Variants in ELAVL2 observed in about 807,000 individuals in gnomAD.
The protein encoded by ELAVL2 is ELAV-like protein 2.
In ELAVL2, 4 loss-of-function variants were observed where a neutral mutation model predicts 34.6. The observed-to-expected ratio is 0.12, with a 90% CI of 0.06 to 0.26. ELAVL2 has a LOEUF of 0.26. ELAVL2 is among the 10% of genes least tolerant of loss of function. The pLI is 1.00. For synonymous variants in ELAVL2, 193 were observed against 154.8 expected, an observed-to-expected ratio of 1.25 and a Z score of -1.83; for missense variants, 432 against 442.8, an observed-to-expected ratio of 0.98 and a Z score of 0.22.
intron 3 of ELAVL2, among the ~76,000 whole-genome samples, chr9:23,724,843 T>G (rs1246556984): frequency 6.6e-6 from 1 of 152,140 alleles, no homozygotes; most frequent in Non-Finnish European, 1.5e-5. Context: ...ACGTTTCAAT[T>G]TTTACCCCAC....
intron 2 of ELAVL2, among the ~76,000 whole-genome samples, chr9:23,749,204 C>T (rs972989007): frequency 6.6e-6 from 1 of 151,950 alleles, no homozygotes; most frequent in African/African-American, 2.4e-5. Flanking sequence ...GACACGTGTG[C>T]ACCAGCCATT....
At chr9:23,706,748 C>A (rs2039455175) in intron 3 of ELAVL2, among the ~76,000 whole-genome samples, 1 of 152,164 alleles carries the variant, frequency 6.6e-6, no homozygotes, top group East Asian at 1.9e-4. Context: ...AACAAACTTT[C>A]CCAATTTACA....
intron 2 of ELAVL2, among the ~76,000 whole-genome samples, chr9:23,758,330 T>G (rs990658791): frequency 1.8e-4 from 27 of 152,192 alleles, no homozygotes; most frequent in African/African-American, 6.5e-4. Context: ...GAACCCAGAT[T>G]TAGATACTAC....
rs755034184 is a variant in ELAVL2, at chr9:23,701,444, G to T, written c.648C>A (p.Ser216=). The T allele has an allele frequency of 3.1e-6, 5 of 1,614,000 alleles. No individual in the cohort carries two copies. Among genetic ancestry groups the T allele is most frequent in the Admixed American group, 3.3e-5 (2 of 60,004 alleles). The change falls in exon 5 of 7, where the codon TCC becomes TCA. Residue 216 remains serine (S), a synonymous_variant. Coordinates refer to ENST00000397312, the MANE Select transcript of ELAVL2 (RefSeq NM_004432.5). ...PSQKTNQAIL[S]QLYQSPNRRY... is the part of the protein sequence containing the mutation. ...TTCTGTTTGGAGACTGGTACAGCTG[G>T]GAAAGGATGGCCTGATTGGTTTTTT... is the stretch of plus-strand genomic sequence containing the variant.
rs189989668 is a variant in ELAVL2 at position 23,803,378 on chromosome 9, T to C, written c.-16+22428A>G. Reference sequence around the variant, plus strand: ...TACTTACACTGGTTTAGAAAAATGCTTGAGTATCTTATGAGTCTCTCCTAC... The same window carrying C: ...TACTTACACTGGTTTAGAAAAATGCCTGAGTATCTTATGAGTCTCTCCTAC... On this transcript the variant is annotated intron_variant, in intron 1 of 6. Transcript: ENST00000397312. Among the ~76,000 whole-genome samples the C allele has an allele frequency of 1.1e-3, 175 of 152,316 alleles. 1 individual carries two copies. The highest frequency in any genetic ancestry group is 0.01 in the Middle Eastern group (3 of 294).
At chr9:23,756,234 T>C (rs886646979) in intron 2 of ELAVL2, among the ~76,000 whole-genome samples, 1 of 152,188 alleles carries the variant, frequency 6.6e-6, no homozygotes, top group African/African-American at 2.4e-5. Flanking sequence ...ATAAAAAATA[T>C]TTTAAGATAC....
At chr9:23,754,955 G>A (rs2053178931) in intron 2 of ELAVL2, among the ~76,000 whole-genome samples, 1 of 152,084 alleles carries the variant, frequency 6.6e-6, no homozygotes, top group South Asian at 2.1e-4. Flanking sequence ...TATGCATACA[G>A]TTCTGTATAA....
intron 1 of ELAVL2, among the ~76,000 whole-genome samples, chr9:23,798,326 T>C (rs2061200342): frequency 6.6e-6 from 1 of 152,256 alleles, no homozygotes; most frequent in South Asian, 2.1e-4. Flanking sequence ...TAGATGTTAC[T>C]GTGCACTCTG....
intron 3 of ELAVL2, among the ~76,000 whole-genome samples, chr9:23,718,669 G>A (rs1250036462): frequency 6.6e-6 from 1 of 152,136 alleles, no homozygotes; most frequent in Non-Finnish European, 1.5e-5. Flanking sequence ...ATATTTTGTG[G>A]GGCTGACATA....
intron 2 of ELAVL2, among the ~76,000 whole-genome samples, chr9:23,757,667 G>A (rs1200534586): frequency 6.6e-6 from 1 of 152,030 alleles, no homozygotes; most frequent in Non-Finnish European, 1.5e-5. Flanking sequence ...ACAAGCAGCA[G>A]AAGCTTCTCA....
intron 1 of ELAVL2, among the ~76,000 whole-genome samples, chr9:23,812,978 A>G (rs577397486): frequency 1.3e-5 from 2 of 152,122 alleles, no homozygotes; most frequent in Admixed American, 6.6e-5. Flanking sequence ...ACAGATCTTC[A>G]TATCTATTTA....
At chr9:23,785,983 G>A (rs1048845466) in intron 1 of ELAVL2, among the ~76,000 whole-genome samples, 2 of 152,132 alleles carry the variant, frequency 1.3e-5, no homozygotes, top group African/African-American at 2.4e-5. Flanking sequence ...GTGATCTACT[G>A]CAAGAACAGC....
intron 2 of ELAVL2, among the ~76,000 whole-genome samples, chr9:23,733,529 T>C (rs1479592627): frequency 6.6e-6 from 1 of 152,362 alleles, no homozygotes; most frequent in East Asian, 1.9e-4. Flanking sequence ...GGATGACTGC[T>C]GTTTCACAGT....
At chr9:23,844,170 T>C in the ELAVL2 span, among the ~76,000 whole-genome samples, 4 of 152,076 alleles carry the variant, frequency 2.6e-5, no homozygotes, top group African/African-American at 9.7e-5. Flanking sequence ...GCTTCCTCTG[T>C]GCTCCTAAAA....
At chr9:23,788,142 T>G (rs530555277) in intron 1 of ELAVL2, among the ~76,000 whole-genome samples, 4 of 152,160 alleles carry the variant, frequency 2.6e-5, no homozygotes, top group Admixed American at 2.6e-4. Flanking sequence ...GTATGAATTT[T>G]AGGAAAATAA....
intron 3 of ELAVL2, among the ~76,000 whole-genome samples, chr9:23,719,399 T>G (rs1011538908): frequency 2.0e-5 from 3 of 152,220 alleles, no homozygotes; most frequent in Non-Finnish European, 2.9e-5. Context: ...CATCTGACTT[T>G]GTGCACCAGG....
chr9:23,818,153 AAAGC>A (rs2063984685), intron 1 of ELAVL2, among the ~76,000 whole-genome samples: 1 of 152,328 alleles, frequency 6.6e-6, no homozygotes, highest in Admixed American at 6.5e-5. Flanking sequence ...GAAAATGGCC[AAAGC>A]AAGAAAAAAT....
chr9:23,696,776 T>C (rs930633224), intron 5 of ELAVL2, among the ~76,000 whole-genome samples: 3 of 152,190 alleles, frequency 2.0e-5, no homozygotes, highest in Admixed American at 6.5e-5. Context: ...AGCCATCTTT[T>C]ATTTATGGTC....
chr9:23,700,182 G>T (rs940483703), intron 5 of ELAVL2, among the ~76,000 whole-genome samples: 3 of 152,088 alleles, frequency 2.0e-5, no homozygotes, highest in African/African-American at 7.2e-5. Flanking sequence ...TCTGTCCCAT[G>T]AATGAAATAA....
Sources: gnomAD v4.1 joint callset for allele counts (sites outside exome capture counted in the v4.1 genomes callset) on GRCh38, gnomAD v4.1.1 for gene constraint, MANE v1.5 for transcripts, NCBI Gene and HGNC (gene_info 2026-07-23, HGNC 2026-07-21) for gene names.